The following PPM1E variants were observed in gnomAD, a reference collection of about 807,000 sequenced individuals.
The protein encoded by PPM1E is protein phosphatase 1E.
Under a neutral mutation model 65.9 loss-of-function variants are expected in PPM1E, and 20 were observed. The ratio of observed to expected loss-of-function variants is 0.30; its 90% confidence interval spans 0.21 to 0.44. PPM1E has a LOEUF of 0.44. PPM1E is among the 20% of genes least tolerant of loss of function. The pLI, the probability that PPM1E is intolerant of heterozygous loss-of-function variation, is 1.00. For synonymous variants in PPM1E, 352 were observed against 374.9 expected (o/e 0.94, Z 0.70); for missense variants, 713 against 953.1 (o/e 0.75, Z 3.32).
rs541638165 is a variant in PPM1E at position 58,981,618 on chromosome 17, T to C, written c.*587T>C. 1 of 152,776 alleles carries C rather than the reference T, an allele frequency of 6.5e-6. No homozygotes were observed. Among genetic ancestry groups the C allele is most frequent in the East Asian group, 1.9e-4 (1 of 5,186 alleles). 9.5% of individuals were successfully genotyped at this position (152,776 alleles called of 1,614,324 possible). On this transcript the variant is annotated 3_prime_UTR_variant, in exon 7 of 7. Transcript: ENST00000308249. ...TGTAAAAGTGTCATATTCTCAGACT[T>C]GTGAGGCGGTTTATAGTCAGAAAGA...
chr17:58,859,161 G>C (rs2050912995), intron 1 of PPM1E, among the ~76,000 whole-genome samples: 1 of 152,190 alleles, frequency 6.6e-6, no homozygotes, highest in Admixed American at 6.5e-5. Context: ...CAGTACCTAT[G>C]TTATGGCAAT....
chr17:58,761,520 A>G (rs1454384387), intron 1 of PPM1E, among the ~76,000 whole-genome samples: 1 of 152,234 alleles, frequency 6.6e-6, no homozygotes, highest in Non-Finnish European at 1.5e-5. Flanking sequence ...CACTTCAGCT[A>G]TATTAAACTA....
intron 1 of PPM1E, among the ~76,000 whole-genome samples, chr17:58,875,435 C>G (rs1296418713): frequency 6.6e-6 from 1 of 151,888 alleles, no homozygotes; most frequent in Non-Finnish European, 1.5e-5. Flanking sequence ...TTTGCCTGGC[C>G]CTTACAGAAG....
intron 1 of PPM1E, among the ~76,000 whole-genome samples, chr17:58,828,797 C>G (rs1021652256): frequency 6.6e-6 from 1 of 151,970 alleles, no homozygotes; most frequent in Admixed American, 6.6e-5. Context: ...TGGGATTTAC[C>G]TGTCTCTAAA....
At chr17:58,848,261 T>C (rs1220854311) in intron 1 of PPM1E, among the ~76,000 whole-genome samples, 1 of 152,154 alleles carries the variant, frequency 6.6e-6, no homozygotes, top group Non-Finnish European at 1.5e-5. Flanking sequence ...TGAATACGCT[T>C]TATTTCCTTC....
chr17:58,893,025 A>T (rs1000125657), intron 1 of PPM1E, among the ~76,000 whole-genome samples: 1 of 152,186 alleles, frequency 6.6e-6, no homozygotes, highest in African/African-American at 2.4e-5. Flanking sequence ...AAAATGGTAC[A>T]GCCACTTTGG....
At chr17:58,861,252 G>T (rs2050939419) in intron 1 of PPM1E, among the ~76,000 whole-genome samples, 1 of 152,192 alleles carries the variant, frequency 6.6e-6, no homozygotes, top group African/African-American at 2.4e-5. Context: ...GAAGATGTTT[G>T]CTTCATAGAC....
intron 6 of PPM1E, 29 bp downstream of exon 6, chr17:58,972,954 A>T: frequency 6.5e-7 from 1 of 1,532,870 alleles, no homozygotes; most frequent in Non-Finnish European, 9.0e-7. Context: ...TGTTTCTCCA[A>T]ACTGTCCTCT....
chr17:58,851,253 A>T (rs546733278), intron 1 of PPM1E, among the ~76,000 whole-genome samples: 48 of 151,988 alleles, frequency 3.2e-4, no homozygotes, highest in African/African-American at 1.2e-3. Flanking sequence ...GTTTGTTATT[A>T]CCGATCGTCT....
At chr17:58,830,716 C>G (rs1383172260) in intron 1 of PPM1E, among the ~76,000 whole-genome samples, 1 of 151,924 alleles carries the variant, frequency 6.6e-6, no homozygotes, top group Non-Finnish European at 1.5e-5. Context: ...GACGGAGTCT[C>G]ACTCTGTTGC....
intron 1 of PPM1E, among the ~76,000 whole-genome samples, chr17:58,849,207 T>C (rs1386333618): frequency 6.6e-6 from 1 of 152,124 alleles, no homozygotes; most frequent in Non-Finnish European, 1.5e-5. Context: ...TTTGTTGATC[T>C]TTTCAAAAAA....
intron 1 of PPM1E, among the ~76,000 whole-genome samples, chr17:58,762,654 T>C (rs1012148480): frequency 6.6e-6 from 1 of 152,148 alleles, no homozygotes; most frequent in African/African-American, 2.4e-5. Context: ...TCCCAGCACT[T>C]TGGGAGGCCG....
At chr17:58,938,489 T>C (rs1328096263) in intron 1 of PPM1E, among the ~76,000 whole-genome samples, 1 of 152,224 alleles carries the variant, frequency 6.6e-6, no homozygotes, top group Non-Finnish European at 1.5e-5. Context: ...ATTCTTCATA[T>C]ATATATGTTT....
At chr17:58,955,026 C>T (rs1451702326) in intron 1 of PPM1E, among the ~76,000 whole-genome samples, 1 of 152,062 alleles carries the variant, frequency 6.6e-6, no homozygotes. Flanking sequence ...GTTCATACCC[C>T]TCTTTATTAT....
intron 1 of PPM1E, among the ~76,000 whole-genome samples, chr17:58,820,204 G>C (rs2050466018): frequency 6.6e-6 from 1 of 151,960 alleles, no homozygotes; most frequent in South Asian, 2.1e-4. Flanking sequence ...CCAACATTGG[G>C]GATTACAATT....
chr17:58,887,621 T>G (rs946445283), intron 1 of PPM1E, among the ~76,000 whole-genome samples: 10 of 152,172 alleles, frequency 6.6e-5, no homozygotes, highest in Admixed American at 6.5e-4. Context: ...ACAGAGAGAT[T>G]TGTGTGACTT....
At chr17:58,864,860 C>T (rs185394734) in intron 1 of PPM1E, among the ~76,000 whole-genome samples, 71 of 148,908 alleles carry the variant, frequency 4.8e-4, no homozygotes, top group African/African-American at 1.5e-3. Flanking sequence ...TGCTTGAACT[C>T]GGGAGGCGGA....
chr17:58,830,292 G>GTTATTA (rs376605107), intron 1 of PPM1E, among the ~76,000 whole-genome samples: 2,062 of 146,814 alleles, frequency 0.014, 39 homozygotes, highest in South Asian at 0.048. Context: ...TGTTGTTGTT[G>GTTATTA]TTATTATTAT....
chr17:58,974,697 A>G (rs762312552), intron 6 of PPM1E, among the ~76,000 whole-genome samples: 1 of 152,212 alleles, frequency 6.6e-6, no homozygotes, highest in African/African-American at 2.4e-5. Flanking sequence ...GTAATTAGAC[A>G]TGGTTGGAAT....
Sources: allele counts gnomAD v4.1 joint callset (sites outside exome capture counted in the v4.1 genomes callset), GRCh38; gene constraint gnomAD v4.1.1; transcripts MANE v1.5; gene names NCBI Gene and HGNC (gene_info 2026-07-23, HGNC 2026-07-21).